Variants in DAB1 observed in about 807,000 individuals in gnomAD.
DAB1 encodes DAB adaptor protein 1.
Under a neutral mutation model 64.6 loss-of-function variants are expected in DAB1, and 15 were observed. The observed-to-expected ratio is 0.23, with a 90% CI of 0.16 to 0.36. The LOEUF (loss-of-function observed/expected upper bound fraction) is 0.36, where lower values mean the gene tolerates loss of function less well. Ranked by LOEUF, DAB1 falls within the 10% of genes least tolerant of loss-of-function variation. The pLI is 1.00. For missense variants in DAB1, 596 were observed against 706.7 expected (o/e 0.84, Z 1.78); for synonymous variants, 235 against 251.9 (o/e 0.93, Z 0.64).
intron 6 of DAB1, among the ~76,000 whole-genome samples, chr1:57,737,567 G>A (rs1427370213): frequency 1.3e-5 from 2 of 152,194 alleles, no homozygotes; most frequent in Non-Finnish European, 2.9e-5. Context: ...CGTACTAAGT[G>A]CTGTGTTAAG....
At chr1:58,241,992 A>G (rs1247377436) in intron 4 of DAB1, among the ~76,000 whole-genome samples, 5 of 152,252 alleles carry the variant, frequency 3.3e-5, no homozygotes, top group African/African-American at 1.2e-4. Flanking sequence ...AAGTTAAATC[A>G]TCCATTAAAA....
chr1:58,543,457 C>A (rs753349688), intron 1 of DAB1, among the ~76,000 whole-genome samples: 3 of 152,162 alleles, frequency 2.0e-5, no homozygotes, highest in Admixed American at 6.5e-5. Context: ...CTACCTCCTT[C>A]TTATCTCATT....
chr1:58,155,386 A>G (rs925077496), intron 4 of DAB1, among the ~76,000 whole-genome samples: 15 of 152,170 alleles, frequency 9.9e-5, no homozygotes, highest in Non-Finnish European at 2.1e-4. Context: ...TGAACATCCT[A>G]TAACACACGA....
intron 3 of DAB1, among the ~76,000 whole-genome samples, chr1:58,482,025 C>T (rs561631772): frequency 1.7e-4 from 26 of 152,290 alleles, no homozygotes; most frequent in Non-Finnish European, 2.9e-4. Context: ...CAATTTTTAA[C>T]TCCAGGAGAA....
chr1:57,734,905 A>G (rs1232448320), intron 6 of DAB1, among the ~76,000 whole-genome samples: 1 of 152,242 alleles, frequency 6.6e-6, no homozygotes, highest in Admixed American at 6.5e-5. Flanking sequence ...TCTTTTAATT[A>G]CCACTACATA....
intron 6 of DAB1, among the ~76,000 whole-genome samples, chr1:57,690,856 T>G (rs988521480): frequency 5.9e-5 from 9 of 152,160 alleles, no homozygotes; most frequent in African/African-American, 2.2e-4. Context: ...GGATAAGAAA[T>G]TCTTATTGTA....
intron 9 of DAB1, among the ~76,000 whole-genome samples, chr1:57,045,305 A>G (rs1648326377): frequency 6.6e-6 from 1 of 152,220 alleles, no homozygotes; most frequent in African/African-American, 2.4e-5. Flanking sequence ...CCCTATAACA[A>G]TGGCAGGAGG....
chr1:58,146,471 G>A (rs1440440466), intron 5 of DAB1, among the ~76,000 whole-genome samples: 2 of 152,122 alleles, frequency 1.3e-5, no homozygotes, highest in African/African-American at 4.8e-5. Context: ...CTGCATTACT[G>A]CAAGTTTGTA....
intron 4 of DAB1, among the ~76,000 whole-genome samples, chr1:58,315,569 G>A (rs1662539352): frequency 6.6e-6 from 1 of 152,318 alleles, no homozygotes; most frequent in African/African-American, 2.4e-5. Context: ...TTTGATATCT[G>A]TAGTGTTCAT....
intron 7 of DAB1, among the ~76,000 whole-genome samples, chr1:57,507,444 C>T (rs2691434): frequency 0.078 from 11,878 of 152,184 alleles, 1,446 homozygotes; most frequent in African/African-American, 0.26. Flanking sequence ...TTTCAGTGCA[C>T]GTTCTATATT....
chr1:58,126,745 G>A (rs890942283), intron 5 of DAB1, among the ~76,000 whole-genome samples: 1 of 151,900 alleles, frequency 6.6e-6, no homozygotes, highest in African/African-American at 2.4e-5. Context: ...TACTGAGAAT[G>A]ATGATTTCCA....
Position 57,261,142 on chromosome 1 carries a change from A to G in DAB1, c.67+29822T>C, listed in dbSNP as rs377023571. On this transcript the variant is annotated intron_variant, in intron 2 of 14. Transcript: ENST00000371236. ...CCTCCCAATTTGTTCTTACACACTG[A>G]CAAACCCCAGCCCTCTGGAGCCTGC... Among the ~76,000 whole-genome samples, 92 of 152,144 alleles carry G rather than the reference A, an allele frequency of 6.0e-4. 1 individual carries two copies. In the South Asian group the frequency reaches 0.017, roughly 27 times the overall value.
intron 5 of DAB1, among the ~76,000 whole-genome samples, chr1:57,941,251 G>C (rs1489232186): frequency 1.3e-5 from 2 of 152,188 alleles, no homozygotes; most frequent in African/African-American, 2.4e-5. Flanking sequence ...CACTGGAGAT[G>C]GTCCATAGTT....
At chr1:57,809,125 T>C (rs1056296677) in intron 6 of DAB1, among the ~76,000 whole-genome samples, 3 of 152,172 alleles carry the variant, frequency 2.0e-5, no homozygotes, top group African/African-American at 7.2e-5. Context: ...ATTCCACATA[T>C]AGATACATGA....
chr1:58,224,171 G>T (rs1343289993), intron 4 of DAB1, among the ~76,000 whole-genome samples: 1 of 152,164 alleles, frequency 6.6e-6, no homozygotes, highest in Non-Finnish European at 1.5e-5. Flanking sequence ...CCAATTATAG[G>T]ATGTTTGTCC....
At chr1:57,617,378 C>A (rs149854903) in intron 7 of DAB1, among the ~76,000 whole-genome samples, 5 of 152,030 alleles carry the variant, frequency 3.3e-5, no homozygotes, top group African/African-American at 1.2e-4. Context: ...TTCTACTCTG[C>A]CTTCAGCCTG....
intron 4 of DAB1, among the ~76,000 whole-genome samples, chr1:58,283,903 C>A (rs1239145148): frequency 6.6e-6 from 1 of 152,074 alleles, no homozygotes; most frequent in African/African-American, 2.4e-5. Context: ...TCCTAGTTAC[C>A]TAATACACAG....
In DAB1 at chr1:57,895,032, T is replaced by C. The variant is rs1422046999; in HGVS notation, n.388-10870A>G. Among the ~76,000 whole-genome samples the C allele has an allele frequency of 2.0e-5, 3 of 151,624 alleles. No homozygotes were observed. The East Asian group carries it at 5.8e-4, about 30-fold the overall frequency. On this transcript the variant is annotated intron_variant and non_coding_transcript_variant, in intron 5 of 20. Transcript: ENST00000485760. ...GTGCTCACACCTGTATGGCTGTATA[T>C]AATCCTGAAAGGGGAAAATTAAAAT...
intron 1 of DAB1, among the ~76,000 whole-genome samples, chr1:57,861,891 T>C (rs1423533362): frequency 6.6e-6 from 1 of 151,940 alleles, no homozygotes; most frequent in African/African-American, 2.4e-5. Context: ...AGGAGAGACA[T>C]GAGAAGTCCA....
Sources: allele counts gnomAD v4.1 joint callset (sites outside exome capture counted in the v4.1 genomes callset), GRCh38; gene constraint gnomAD v4.1.1; transcripts MANE v1.5; gene names NCBI Gene and HGNC (gene_info 2026-07-23, HGNC 2026-07-21).